NUP107: variants seen among roughly 807,000 people sequenced by gnomAD.
The protein encoded by NUP107 is nuclear pore complex protein Nup107.
In NUP107, 101 loss-of-function variants were observed where a neutral mutation model predicts 141.0. The ratio of observed to expected loss-of-function variants is 0.72; its 90% CI spans 0.61 to 0.84. NUP107 has a LOEUF of 0.84. Ranked by LOEUF, NUP107 falls within the 40% of genes least tolerant of loss-of-function variation. The probability of loss-of-function intolerance (pLI) is 0.00; values close to 1 mark genes in which losing one functional copy is unlikely to be tolerated. For synonymous variants in NUP107, 319 were observed against 363.9 expected (o/e 0.88, Z 1.41); for missense variants, 941 against 1,102.7 (o/e 0.85, Z 2.08).
intron 1 of NUP107, 125 bp from the exon 2 acceptor site, chr12:68,688,837 A>G (rs1184444014): frequency 5.3e-6 from 3 of 561,592 alleles, no homozygotes; most frequent in African/African-American, 1.9e-5. Context: ...AAGATCTAAG[A>G]CTTGGCTACT....
At position 68,742,935 on chromosome 12, in the gene NUP107, G is replaced by C. The variant is rs1878381560; in HGVS notation, c.*473G>C. On this transcript the variant is annotated 3_prime_UTR_variant, in exon 28 of 28. Coordinates refer to ENST00000229179, the MANE Select transcript of NUP107 (RefSeq NM_020401.4). ...CTATTATTATTTTAGTTATTTTGAAGACATTTCTAGTTTAACTTTCATTTA... is the reference window on the plus strand; with the variant it reads ...CTATTATTATTTTAGTTATTTTGAACACATTTCTAGTTTAACTTTCATTTA... The C allele has an allele frequency of 6.6e-6, 1 of 152,252 alleles. No homozygotes were observed. Among genetic ancestry groups the C allele is most frequent in the South Asian group, 2.1e-4 (1 of 4,824 alleles). The allele number at this position is 152,252 out of a possible 1,614,324, so 9.4% of individuals were successfully genotyped here. A position where few individuals can be genotyped will look rare whatever the true frequency, so the allele number is the denominator to read the frequency against.
chr12:68,697,677 A>G (rs1361998474), intron 6 of NUP107, among the ~76,000 whole-genome samples: 1 of 152,178 alleles, frequency 6.6e-6, no homozygotes, highest in Non-Finnish European at 1.5e-5. Flanking sequence ...TAAAAAATGA[A>G]CAAAAGATGG....
intron 8 of NUP107, among the ~76,000 whole-genome samples, chr12:68,708,619 GT>G (rs879328102): frequency 2.0e-4 from 29 of 145,646 alleles, no homozygotes; most frequent in Admixed American, 4.1e-4. Flanking sequence ...CTGTATTACA[GT>G]TTTTTTTTTT....
chr12:68,732,771 C>T, intron 23 of NUP107, 32 bp downstream of exon 23: 1 of 1,384,544 alleles, frequency 7.2e-7, no homozygotes, highest in East Asian at 2.3e-5. Flanking sequence ...CTTCAAACTC[C>T]TGGGCTCCAT....
intron 22 of NUP107, among the ~76,000 whole-genome samples, chr12:68,732,379 G>A (rs1169701023): frequency 2.0e-5 from 3 of 152,182 alleles, no homozygotes; most frequent in East Asian, 1.9e-4. Flanking sequence ...CAAGAGATCC[G>A]CTCGCCTGGG....
intron 8 of NUP107, among the ~76,000 whole-genome samples, chr12:68,708,178 G>A (rs1876684637): frequency 6.6e-6 from 1 of 152,010 alleles, no homozygotes; most frequent in Admixed American, 6.6e-5. Context: ...ATCCACGAGG[G>A]GTCCTGGAGC....
intron 8 of NUP107, chr12:68,706,647 C>A: frequency 1.4e-6 from 1 of 718,288 alleles, no homozygotes; most frequent in Non-Finnish European, 2.6e-6. Context: ...AGATGCTGAG[C>A]AGCATGGGGA....
chr12:68,733,424 A>G (rs1425939150), intron 23 of NUP107, 28 bp from the exon 24 acceptor site: 1 of 1,596,028 alleles, frequency 6.3e-7, no homozygotes, highest in African/African-American at 1.3e-5. Flanking sequence ...GTCCGTAGGC[A>G]TTCAAAATTG....
rs1263994316 is a variant in NUP107, at chr12:68,742,396, CAG to C, written c.2717_2718del (p.Glu906ValfsTer11). ...AGCTAAGGAAGTTGCTGCAGAAGCT[CAG>C]AGAGTCCTCTCTAATGCTCCTAGAC... ...EELRKLLQKL[R>X]ESSLMLLDQG... On this transcript the variant is annotated frameshift_variant, in exon 28 of 28. Coordinates refer to ENST00000229179, the MANE Select transcript of NUP107 (RefSeq NM_020401.4). LOFTEE classifies it high-confidence loss of function. 3 of 1,611,914 alleles carry C rather than the reference CAG, an allele frequency of 1.9e-6. No individual in the cohort carries two copies. The highest frequency in any genetic ancestry group is 2.2e-5 in the East Asian group (1 of 44,740).
intron 20 of NUP107, among the ~76,000 whole-genome samples, chr12:68,729,507 G>A (rs146888720): frequency 2.8e-4 from 42 of 151,226 alleles, no homozygotes; most frequent in African/African-American, 9.5e-4. Flanking sequence ...CATGATCTTG[G>A]CTCACTGCCA....
chr12:68,687,934 C>A (rs541465944), intron 1 of NUP107, among the ~76,000 whole-genome samples: 2 of 152,210 alleles, frequency 1.3e-5, no homozygotes, highest in South Asian at 4.1e-4. Context: ...CTCCAGCCTA[C>A]CTGAGGCTCT....
In NUP107 at chr12:68,689,577, A is replaced by C; in HGVS notation, c.145A>C (p.Asn49His). Residue 49 changes from asparagine to histidine, a missense_variant, in exon 3 of 28, where the codon AAC becomes CAC. Transcript: ENST00000229179. ...DENFGNTTPRNQVIPRTPSSF... is the reference protein window; with the variant it reads ...DENFGNTTPRHQVIPRTPSSF... ...AAATTTTGGTAATACTACACCAAGAAACCAGGTTATCCCTCGAACTCCTAG... is the reference window on the plus strand; with the variant it reads ...AAATTTTGGTAATACTACACCAAGACACCAGGTTATCCCTCGAACTCCTAG... The C allele has an allele frequency of 6.2e-7, 1 of 1,613,182 alleles. No homozygotes were observed. Among genetic ancestry groups the C allele is most frequent in the Non-Finnish European group, 8.5e-7 (1 of 1,179,664 alleles).
chr12:68,740,081 G>A (rs1878262090), intron 26 of NUP107: 1 of 152,238 alleles, frequency 6.6e-6, no homozygotes, highest in African/African-American at 2.4e-5. Context: ...ATTGTCTGCA[G>A]CACACTCTGA....
intron 5 of NUP107, among the ~76,000 whole-genome samples, chr12:68,693,320 G>A (rs778446323): frequency 1.4e-4 from 22 of 151,784 alleles, no homozygotes; most frequent in African/African-American, 3.9e-4. Context: ...CAAGTGATCC[G>A]TCCTCCTCAG....
Position 68,715,700 on chromosome 12 carries a change from A to G in NUP107, c.1043A>G (p.Lys348Arg). The G allele has an allele frequency of 6.2e-7, 1 of 1,612,552 alleles. No homozygotes were observed. Among genetic ancestry groups the G allele is most frequent in the Non-Finnish European group, 8.5e-7 (1 of 1,178,714 alleles). ...AGAGAAGATGAAGTTAGATTACTCAAATATCTCTTTACTCTAATCCGTGCT... is the reference window on the plus strand; with the variant it reads ...AGAGAAGATGAAGTTAGATTACTCAGATATCTCTTTACTCTAATCCGTGCT... Reference protein sequence around the residue: ...LDREDEVRLLKYLFTLIRAGM... With the variant: ...LDREDEVRLLRYLFTLIRAGM... The change falls in exon 12 of 28, where the codon AAA becomes AGA. Residue 348 changes from lysine (K) to arginine (R), a missense_variant. Physicochemically the swap from Lys to Arg is conservative, Grantham distance 26. Coordinates refer to ENST00000229179, the MANE Select transcript of NUP107 (RefSeq NM_020401.4).
At chr12:68,731,456 G>A (rs577361457) in intron 21 of NUP107, 151 bp from the exon 22 acceptor site, 6 of 618,124 alleles carry the variant, frequency 9.7e-6, no homozygotes, top group African/African-American at 1.9e-5. Flanking sequence ...TTTAATTCTG[G>A]CATTTTCTTT....
chr12:68,710,072 T>A lies in NUP107; in HGVS notation c.869T>A (p.Phe290Tyr), dbSNP rs1876777414. Residue 290 changes from phenylalanine (F) to tyrosine (Y), a missense_variant, in exon 10 of 28, where the codon TTT becomes TAT. Physicochemically the swap from Phe to Tyr is conservative, Grantham distance 22 (BLOSUM62 3). Coordinates refer to ENST00000229179, the MANE Select transcript of NUP107 (RefSeq NM_020401.4). ...EIGEFSDNIE[F>Y]YAKSVYWENT... ...GGAGAATTTTCTGATAATATTGAGT[T>A]TTATGCAAAATCAGTATATTGGTAA... 6.4e-7 allele frequency: 1 copy of A among 1,574,462 alleles called. No individual in the cohort carries two copies. Among genetic ancestry groups the A allele is most frequent in the Admixed American group, 1.7e-5 (1 of 59,828 alleles).
chr12:68,740,475 A>G (rs372647047), intron 26 of NUP107, among the ~76,000 whole-genome samples: 2 of 152,214 alleles, frequency 1.3e-5, no homozygotes, highest in African/African-American at 2.4e-5. Flanking sequence ...AATTTTTCCT[A>G]TGTTTGGAAA....
At chr12:68,708,983 A>G (rs1004797369) in intron 8 of NUP107, among the ~76,000 whole-genome samples, 1 of 152,188 alleles carries the variant, frequency 6.6e-6, no homozygotes, top group Non-Finnish European at 1.5e-5. Flanking sequence ...CTCTGGGAAA[A>G]TGGAATTTTA....
Sources: gnomAD v4.1 joint callset for allele counts (sites outside exome capture counted in the v4.1 genomes callset) on GRCh38, gnomAD v4.1.1 for gene constraint, MANE v1.5 for transcripts, NCBI Gene and HGNC (gene_info 2026-07-23, HGNC 2026-07-21) for gene names.